The following RTL4 variants were observed in gnomAD, a reference collection of about 807,000 sequenced individuals.
RTL4 encodes the protein retrotransposon Gag like 4, also known as retrotransposon Gag-like protein 4.
In RTL4, 4 loss-of-function variants were observed where a neutral mutation model predicts 5.3. The ratio of observed to expected loss-of-function variants is 0.75; its 90% CI spans 0.37 to 1.72. The LOEUF (loss-of-function observed/expected upper bound fraction) is 1.72, where lower values mean the gene tolerates loss of function less well. RTL4 is among the 40% of genes most tolerant of loss of function. RTL4 has a pLI of 0.04. For missense variants in RTL4, 260 were observed against 227.1 expected, an observed-to-expected ratio of 1.14 and a Z score of -0.93; for synonymous variants, 98 against 87.3, an observed-to-expected ratio of 1.12 and a Z score of -0.68.
the RTL4 span, among the ~76,000 whole-genome samples, chrX:112,186,993 T>C: frequency 1.8e-5 from 2 of 111,839 alleles, no homozygotes; most frequent in African/African-American, 3.2e-5. Context: ...CCCAGGTTGA[T>C]GTTAGTTGTC....
chrX:112,412,063 A>G, the RTL4 span, among the ~76,000 whole-genome samples: 2 of 111,055 alleles, frequency 1.8e-5, no homozygotes, highest in Non-Finnish European at 3.8e-5. Flanking sequence ...GCCAACAGTG[A>G]ACAATCTGAA....
the RTL4 span, among the ~76,000 whole-genome samples, chrX:112,105,204 A>G: frequency 3.6e-5 from 4 of 111,677 alleles, no homozygotes; most frequent in Non-Finnish European, 7.6e-5. Flanking sequence ...GGCTGTAAAT[A>G]CTTGTACTTA....
At chrX:112,393,157 T>TG in the RTL4 span, among the ~76,000 whole-genome samples, 2 of 96,283 alleles carry the variant, frequency 2.1e-5, no homozygotes, top group African/African-American at 1.0e-4. Flanking sequence ...CTTTTTTTTT[T>TG]TTTGTTTTTT....
the RTL4 span, among the ~76,000 whole-genome samples, chrX:112,230,393 G>A: frequency 4.5e-5 from 5 of 112,188 alleles, no homozygotes; most frequent in Admixed American, 3.8e-4. Context: ...CAGTATTAGG[G>A]TGGGAGTGAC....
At chrX:112,130,795 T>G in the RTL4 span, among the ~76,000 whole-genome samples, 3 of 102,476 alleles carry the variant, frequency 2.9e-5, no homozygotes, top group African/African-American at 1.1e-4. Context: ...GTGTGGGTTT[T>G]TTTTTTTTTT....
the RTL4 span, among the ~76,000 whole-genome samples, chrX:112,394,959 G>T: frequency 9.0e-6 from 1 of 111,361 alleles, no homozygotes; most frequent in Non-Finnish European, 1.9e-5. Flanking sequence ...GAATTTTTTG[G>T]TTTCTTTTTA....
the RTL4 span, among the ~76,000 whole-genome samples, chrX:112,145,821 G>C: frequency 4.5e-5 from 5 of 111,194 alleles, no homozygotes; most frequent in East Asian, 8.6e-4. Flanking sequence ...GAGAAAGAAG[G>C]AATCCCAGCA....
At chrX:112,126,865 T>C in the RTL4 span, among the ~76,000 whole-genome samples, 1 of 111,310 alleles carries the variant, frequency 9.0e-6, no homozygotes, top group African/African-American at 3.3e-5. Flanking sequence ...CAAAAAGAAA[T>C]AGAAATTCTG....
the RTL4 span, among the ~76,000 whole-genome samples, chrX:112,191,238 T>A: frequency 8.9e-6 from 1 of 112,198 alleles, no homozygotes; most frequent in East Asian, 2.8e-4. Flanking sequence ...GTATGTGTCC[T>A]TTCATGATAC....
At chrX:112,107,519 A>G in the RTL4 span, among the ~76,000 whole-genome samples, 305 of 111,823 alleles carry the variant, frequency 2.7e-3, 2 homozygotes, top group African/African-American at 9.4e-3. Context: ...AACTCATTCA[A>G]TTTTTGTTTG....
the RTL4 span, among the ~76,000 whole-genome samples, chrX:112,192,148 G>T: frequency 3.0e-5 from 3 of 101,411 alleles, no homozygotes; most frequent in African/African-American, 1.1e-4. Flanking sequence ...CCTTTAATAG[G>T]TTTTTTTTTG....
the RTL4 span, among the ~76,000 whole-genome samples, chrX:112,157,439 A>G: frequency 9.0e-6 from 1 of 110,811 alleles, no homozygotes; most frequent in Admixed American, 9.6e-5. Flanking sequence ...GCTGCAGCCT[A>G]AGGCCTATGA....
the RTL4 span, among the ~76,000 whole-genome samples, chrX:112,268,057 C>A: frequency 9.0e-6 from 1 of 111,297 alleles, no homozygotes; most frequent in Non-Finnish European, 1.9e-5. Flanking sequence ...GCTTATAACC[C>A]TCCAATGGCT....
chrX:112,279,622 T>C, the RTL4 span, among the ~76,000 whole-genome samples: 5,452 of 110,683 alleles, frequency 0.049, 316 homozygotes, highest in African/African-American at 0.17. Context: ...AAAAATGTAA[T>C]ATATGAAACA....
the RTL4 span, among the ~76,000 whole-genome samples, chrX:112,208,136 C>T: frequency 9.0e-6 from 1 of 111,684 alleles, no homozygotes; most frequent in Non-Finnish European, 1.9e-5. Context: ...ATGGATGATG[C>T]CATGATTTCA....
the RTL4 span, among the ~76,000 whole-genome samples, chrX:112,441,262 T>A: frequency 1.8e-5 from 2 of 111,163 alleles, no homozygotes; most frequent in African/African-American, 6.5e-5. Flanking sequence ...GATTCCCAAA[T>A]ATGCTACCTT....
chrX:112,181,870 G>A, the RTL4 span, among the ~76,000 whole-genome samples: 21 of 111,891 alleles, frequency 1.9e-4, no homozygotes, highest in South Asian at 2.2e-3. Context: ...TCCCTGACCC[G>A]TGCTCCTCCT....
chrX:112,180,009 G>C, the RTL4 span, among the ~76,000 whole-genome samples: 1 of 111,142 alleles, frequency 9.0e-6, no homozygotes, highest in Non-Finnish European at 1.9e-5. Flanking sequence ...GAACATGGGC[G>C]TATTTTGCAT....
At chrX:112,325,297 C>G in the RTL4 span, among the ~76,000 whole-genome samples, 1 of 111,630 alleles carries the variant, frequency 9.0e-6, no homozygotes, top group South Asian at 3.7e-4. Context: ...TGGAAAAAAA[C>G]TACTTTAAAG....
Sources: gnomAD v4.1 joint callset for allele counts (sites outside exome capture counted in the v4.1 genomes callset) on GRCh38, gnomAD v4.1.1 for gene constraint, MANE v1.5 for transcripts, NCBI Gene and HGNC (gene_info 2026-07-23, HGNC 2026-07-21) for gene names.